CYP19A1: variants seen among roughly 807,000 people sequenced by gnomAD.
CYP19A1 encodes aromatase.
CYP19A1 carries 32 observed loss-of-function variants against 44.4 expected under a neutral mutation model. The ratio of observed to expected loss-of-function variants is 0.72; its 90% CI spans 0.54 to 0.97. The LOEUF (loss-of-function observed/expected upper bound fraction) is 0.97. Ranked by LOEUF, CYP19A1 falls within the 50% of genes least tolerant of loss-of-function variation. The probability of loss-of-function intolerance (pLI) is 0.00; values close to 1 mark genes in which losing one functional copy is unlikely to be tolerated. For missense variants in CYP19A1, 598 were observed against 637.8 expected (o/e 0.94, Z 0.67); for synonymous variants, 212 against 215.6 (o/e 0.98, Z 0.14).
chr15:51,256,744 C>A (rs1019951402), intron 1 of CYP19A1, among the ~76,000 whole-genome samples: 4 of 152,140 alleles, frequency 2.6e-5, no homozygotes, highest in Non-Finnish European at 4.4e-5. Context: ...ACACCTAACA[C>A]AAAGGCAAAC....
chr15:51,298,380 T>C (rs2036042812), intron 1 of CYP19A1, among the ~76,000 whole-genome samples: 1 of 152,220 alleles, frequency 6.6e-6, no homozygotes, highest in Non-Finnish European at 1.5e-5. Context: ...AAAAATAAAG[T>C]GTGATAATCG....
intron 1 of CYP19A1, among the ~76,000 whole-genome samples, chr15:51,298,847 C>T (rs538740648): frequency 6.6e-6 from 1 of 152,208 alleles, no homozygotes; most frequent in Non-Finnish European, 1.5e-5. Flanking sequence ...AAAGGAGCTG[C>T]GTCTGGGGCA....
At chr15:51,328,580 GTGT>G (rs2036650831) in intron 1 of CYP19A1, among the ~76,000 whole-genome samples, 1 of 147,960 alleles carries the variant, frequency 6.8e-6, no homozygotes, top group South Asian at 2.2e-4. Context: ...GTGTGTGTGT[GTGT>G]GTACATGTGT....
chr15:51,297,630 C>T (rs1372106735), intron 1 of CYP19A1, among the ~76,000 whole-genome samples: 1 of 152,084 alleles, frequency 6.6e-6, no homozygotes, highest in Non-Finnish European at 1.5e-5. Context: ...ACCCCCAGTG[C>T]TCTGCTCTGC....
chr15:51,338,332 A>G (rs2036810508), intron 1 of CYP19A1, 163 bp downstream of exon 1: 2 of 152,210 alleles, frequency 1.3e-5, no homozygotes, highest in Admixed American at 6.5e-5. Context: ...GACAACAGTC[A>G]TCAACACAGA....
At chr15:51,255,286 T>C (rs1209993041) in intron 1 of CYP19A1, among the ~76,000 whole-genome samples, 2 of 152,204 alleles carry the variant, frequency 1.3e-5, no homozygotes, top group African/African-American at 4.8e-5. Flanking sequence ...ATCAGTAAAT[T>C]CCCACATGGT....
At chr15:51,217,196 G>A (rs183731899) in intron 6 of CYP19A1, among the ~76,000 whole-genome samples, 1 of 152,298 alleles carries the variant, frequency 6.6e-6, no homozygotes, top group East Asian at 1.9e-4. Context: ...GCCCCAAATG[G>A]TCTGGGAGGT....
intron 1 of CYP19A1, among the ~76,000 whole-genome samples, chr15:51,273,095 G>T (rs1181572607): frequency 6.6e-6 from 1 of 152,040 alleles, no homozygotes; most frequent in Non-Finnish European, 1.5e-5. Context: ...GAGTAGCTGG[G>T]ACTACAGGTG....
chr15:51,260,802 G>A (rs1328635044), intron 1 of CYP19A1, among the ~76,000 whole-genome samples: 1 of 152,194 alleles, frequency 6.6e-6, no homozygotes, highest in Non-Finnish European at 1.5e-5. Context: ...ACAGAGGGAG[G>A]GACAATGATC....
At chr15:51,229,252 T>C (rs2032836186) in intron 3 of CYP19A1, among the ~76,000 whole-genome samples, 1 of 151,874 alleles carries the variant, frequency 6.6e-6, no homozygotes, top group Admixed American at 6.6e-5. Flanking sequence ...ATATAAGGTG[T>C]GGTAGTGTGT....
intron 1 of CYP19A1, among the ~76,000 whole-genome samples, chr15:51,287,573 C>T (rs8034413): frequency 0.018 from 2,682 of 152,338 alleles, 97 homozygotes; most frequent in African/African-American, 0.062. Flanking sequence ...CTCTCCCATG[C>T]AGGCTTTGTC....
At chr15:51,256,794 G>A (rs986062381) in intron 1 of CYP19A1, among the ~76,000 whole-genome samples, 88 of 152,136 alleles carry the variant, frequency 5.8e-4, no homozygotes, top group Non-Finnish European at 1.9e-4. Flanking sequence ...AATGTTAATG[G>A]CAGAATCATA....
intron 1 of CYP19A1, among the ~76,000 whole-genome samples, chr15:51,256,526 T>C (rs1167691719): frequency 6.6e-6 from 1 of 152,070 alleles, no homozygotes; most frequent in Non-Finnish European, 1.5e-5. Context: ...CATTCTGGGG[T>C]CACCGCTAAA....
At chr15:51,279,666 C>T (rs2035447429) in intron 1 of CYP19A1, among the ~76,000 whole-genome samples, 1 of 152,188 alleles carries the variant, frequency 6.6e-6, no homozygotes, top group African/African-American at 2.4e-5. Flanking sequence ...CTTCTAATTC[C>T]CCAAATTTCT....
At chr15:51,244,815 T>C (rs10851498) in intron 1 of CYP19A1, among the ~76,000 whole-genome samples, 55,012 of 152,058 alleles carry the variant, frequency 0.36, 11,546 homozygotes, top group Non-Finnish European at 0.47. Flanking sequence ...AGATAAGATG[T>C]TGCAAGCTGA....
At position 51,210,222 on chromosome 15, in the gene CYP19A1, A is replaced by G. The variant is rs759728023; in HGVS notation, c.*586T>C. 1 of 395,690 alleles carries G rather than the reference A, an allele frequency of 2.5e-6. No homozygotes were observed. Among genetic ancestry groups the G allele is most frequent in the Non-Finnish European group, 5.0e-6 (1 of 199,498 alleles). The allele number at this position is 395,690 out of a possible 1,614,324, so 24.5% of individuals were successfully genotyped here. A position where few individuals can be genotyped will look rare whatever the true frequency, so the allele number is the denominator to read the frequency against. Reference sequence around the variant, plus strand: ...ATTAAACTTTTGCCACAGACAGATCATATGTAGACAAACAGGAATTAATTG... The same window carrying G: ...ATTAAACTTTTGCCACAGACAGATCGTATGTAGACAAACAGGAATTAATTG... On this transcript the variant is annotated 3_prime_UTR_variant, in exon 10 of 10. Coordinates refer to ENST00000396402, the MANE Select transcript of CYP19A1 (RefSeq NM_000103.4).
intron 1 of CYP19A1, among the ~76,000 whole-genome samples, chr15:51,271,622 G>A (rs534606899): frequency 5.2e-4 from 79 of 152,264 alleles, no homozygotes; most frequent in African/African-American, 1.9e-3. Context: ...TAGTTCTAGG[G>A]ATCCCACCAT....
chr15:51,255,595 G>A (rs2034482896), intron 1 of CYP19A1: 1 of 152,178 alleles, frequency 6.6e-6, no homozygotes, highest in Non-Finnish European at 1.5e-5. Flanking sequence ...AAGTCAGGAA[G>A]CCCTTAACTG....
Position 51,211,017 on chromosome 15 carries a change from G to T in CYP19A1, c.1303C>A (p.Arg435Ser). ...RYFQPFGFGP[R>S]GCAGKYIAMV... is the part of the protein sequence containing the mutation. ...GCGATGTACTTTCCTGCACAGCCAC[G>T]GGGCCCAAAGCCAAATGGCTGAAAG... is the stretch of plus-strand genomic sequence containing the variant. The change falls in exon 10 of 10, where the codon CGT becomes AGT. Residue 435 changes from arginine (R) to serine (S), a missense_variant. Arg to Ser is a moderately radical substitution (Grantham distance 110). Transcript: ENST00000396402. 3.8e-6 allele frequency: 6 copies of T among 1,588,302 alleles called. No individual in the cohort carries two copies. Among genetic ancestry groups the T allele is most frequent in the Non-Finnish European group, 5.2e-6 (6 of 1,156,632 alleles).
Sources: allele counts gnomAD v4.1 joint callset (sites outside exome capture counted in the v4.1 genomes callset), GRCh38; gene constraint gnomAD v4.1.1; transcripts MANE v1.5; gene names NCBI Gene and HGNC (gene_info 2026-07-23, HGNC 2026-07-21).